ATG16L1: variants seen among roughly 807,000 people sequenced by gnomAD.
ATG16L1 encodes the protein autophagy-related protein 16-1.
Under a neutral mutation model 88.5 loss-of-function variants are expected in ATG16L1, and 37 were observed. The observed-to-expected ratio is 0.42, with a 90% CI of 0.32 to 0.55. The LOEUF is 0.55. ATG16L1 is among the 20% of genes least tolerant of loss of function. The pLI, the probability that ATG16L1 is intolerant of heterozygous loss-of-function variation, is 0.13. For missense variants in ATG16L1, 554 were observed against 752.8 expected, an observed-to-expected ratio of 0.74 and a Z score of 3.09; for synonymous variants, 301 against 281.0, an observed-to-expected ratio of 1.07 and a Z score of -0.71.
At chr2:233,288,284 A>C (rs1252054206) in intron 12 of ATG16L1, among the ~76,000 whole-genome samples, 1 of 152,192 alleles carries the variant, frequency 6.6e-6, no homozygotes, top group Non-Finnish European at 1.5e-5. Flanking sequence ...ACACAAAAAA[A>C]ATCTAACCCT....
At position 233,263,044 on chromosome 2, in the gene ATG16L1, A is replaced by G. The variant is rs886830968; in HGVS notation, c.210-86A>G. On this transcript the variant is annotated intron_variant, in intron 2 of 17. Transcript: ENST00000392017. ...AACATGTTTCTGGAGTTATGGTTTCATTGCCTAATTGGAAAGGTTTGGAGT... is the reference window on the plus strand; with the variant it reads ...AACATGTTTCTGGAGTTATGGTTTCGTTGCCTAATTGGAAAGGTTTGGAGT... 24 of 1,143,478 alleles carry G rather than the reference A, an allele frequency of 2.1e-5. No individual in the cohort carries two copies. The South Asian group carries it at 2.8e-4, about 13-fold the overall frequency. The allele number at this position is 1,143,478 out of a possible 1,614,324, so 70.8% of individuals were successfully genotyped here. A position where few individuals can be genotyped will look rare whatever the true frequency, so the allele number is the denominator to read the frequency against.
chr2:233,259,355 A>G (rs548983714), intron 2 of ATG16L1, among the ~76,000 whole-genome samples: 1 of 152,256 alleles, frequency 6.6e-6, no homozygotes, highest in African/African-American at 2.4e-5. Context: ...TCTGATGTCA[A>G]AAGATCACCT....
At chr2:233,274,806 C>G (rs748773028) in intron 9 of ATG16L1, 28 bp downstream of exon 9, 1 of 1,535,838 alleles carries the variant, frequency 6.5e-7, no homozygotes, top group Non-Finnish European at 9.0e-7. Context: ...CCGAACCCTA[C>G]CACGCTTGAT....
At position 233,289,509 on chromosome 2, in the gene ATG16L1, C is replaced by T. The variant is rs148072057; in HGVS notation, c.1204-345C>T. On this transcript the variant is annotated intron_variant, in intron 12 of 17. Transcript: ENST00000392017. ...CAAGCAATCCTCTTGCCTCAGCTTC[C>T]CAAGTAGCTGGGACCCCAGGCGCAT... Among the ~76,000 whole-genome samples the T allele has an allele frequency of 4.4e-3, 673 of 152,016 alleles. 3 individuals are homozygous for T. Among genetic ancestry groups the T allele is most frequent in the African/African-American group, 0.015 (642 of 41,466 alleles).
intron 12 of ATG16L1, among the ~76,000 whole-genome samples, chr2:233,289,408 T>TGTGTGAGAGAGAGA (rs144316394): frequency 5.3e-5 from 8 of 149,536 alleles, no homozygotes; most frequent in African/African-American, 1.7e-4. Flanking sequence ...TGTGTGTGTG[T>TGTGTGAGAGAGAGA]GACAGGATCT....
intron 1 of ATG16L1, among the ~76,000 whole-genome samples, chr2:233,253,332 G>GTGTTTTTTTTTTTTTTTTTTTTTTT (rs1696521168): frequency 8.9e-6 from 1 of 112,890 alleles, no homozygotes; most frequent in African/African-American, 3.3e-5. Context: ...GTGAGACTGG[G>GTGTTTTTTTTTTTTTTTTTTTTTTT]TTTTTTTGTT....
intron 10 of ATG16L1, among the ~76,000 whole-genome samples, chr2:233,279,154 G>A (rs1192775037): frequency 6.6e-6 from 1 of 152,162 alleles, no homozygotes; most frequent in Non-Finnish European, 1.5e-5. Flanking sequence ...CTCCAGCATG[G>A]GCAGCAGAGC....
rs1553608374 is a variant in ATG16L1, at chr2:233,286,643, T to TTTTTTTTTTTTTG, written c.1204-3211_1204-3210insTTTTTTTTTTTTG. 6.1e-3 allele frequency among the ~76,000 whole-genome samples: 851 copies of TTTTTTTTTTTTTG among 138,610 alleles called. 19 individuals carry two copies. Among genetic ancestry groups the TTTTTTTTTTTTTG allele is most frequent in the South Asian group, 0.018 (67 of 3,778 alleles). The allele number at this position is 138,610 out of a possible 152,430, so 90.9% of individuals were successfully genotyped here. A position where few individuals can be genotyped will look rare whatever the true frequency, so the allele number is the denominator to read the frequency against. On this transcript the variant is annotated intron_variant, in intron 12 of 17. Coordinates refer to ENST00000392017, the MANE Select transcript of ATG16L1 (RefSeq NM_030803.7). Reference sequence around the variant, plus strand: ...AAACTTTTTTTTTTTTTTTTTTTTTTGAGACAGTGTCTCGCTCAGTCACCC... The same window carrying TTTTTTTTTTTTTG: ...AAACTTTTTTTTTTTTTTTTTTTTTTTTTTTTTTTTTTGGAGACAGTGTCTCGCTCAGTCACCC...
At chr2:233,283,803 C>T (rs1033616055) in intron 12 of ATG16L1, among the ~76,000 whole-genome samples, 7 of 151,988 alleles carry the variant, frequency 4.6e-5, no homozygotes, top group Admixed American at 1.3e-4. Flanking sequence ...TCCCAAAGTG[C>T]TGGGATTACA....
At position 233,275,783 on chromosome 2, in the gene ATG16L1, G is replaced by T. The variant is rs771923343; in HGVS notation, c.954+1005G>T. 5.8e-6 allele frequency: 3 copies of T among 519,216 alleles called. No homozygotes were observed. In the Admixed American group the frequency reaches 5.8e-5, roughly 10 times the overall value. The allele number at this position is 519,216 out of a possible 1,614,324, so 32.2% of individuals were successfully genotyped here. On this transcript the variant is annotated intron_variant, in intron 9 of 17. Transcript: ENST00000392017. ...CACTGAATGTCACGGTCCCTTTGTT[G>T]CCCTCAACTCCCAGCAGCCCATTTT...
intron 6 of ATG16L1, 102 bp from the exon 7 acceptor site, chr2:233,272,864 A>G (rs945332904): frequency 3.0e-6 from 3 of 990,534 alleles, no homozygotes; most frequent in Non-Finnish European, 4.8e-6. Context: ...GTCATAGCCA[A>G]GTGGTTTAGG....
chr2:233,266,389 G>A (rs1479528018), intron 5 of ATG16L1, among the ~76,000 whole-genome samples: 1 of 152,170 alleles, frequency 6.6e-6, no homozygotes, highest in Non-Finnish European at 1.5e-5. Flanking sequence ...AGCCCAGTAG[G>A]TTAAAGCAAC....
At position 233,274,779 on chromosome 2, in the gene ATG16L1, G is replaced by C; in HGVS notation, c.954+1G>C. The stretch of plus-strand genomic sequence containing the variant: ...ACCAGCTACTGCCTTGTGTGTCTTC[G>C]TAAGTATGCTTCAGCCCCGAACCCT... On this transcript the variant is annotated splice_donor_variant, in intron 9 of 17. Transcript: ENST00000392017. LOFTEE classifies it high-confidence loss of function. 6.2e-7 allele frequency: 1 copy of C among 1,607,342 alleles called. No homozygotes were observed. The highest frequency in any genetic ancestry group is 8.5e-7 in the Non-Finnish European group (1 of 1,174,126).
chr2:233,293,154 C>A (rs981835973), intron 16 of ATG16L1, 102 bp from the exon 17 acceptor site: 1 of 983,902 alleles, frequency 1.0e-6, no homozygotes. Flanking sequence ...CAGGAGTGGT[C>A]ATCAGTGAAG....
At position 233,253,218 on chromosome 2, in the gene ATG16L1, C is replaced by T. The variant is rs539508224; in HGVS notation, c.115+1276C>T. 2.6e-5 allele frequency among the ~76,000 whole-genome samples: 4 copies of T among 152,136 alleles called. No homozygotes were observed. The South Asian group carries it at 8.3e-4, about 32-fold the overall frequency. On this transcript the variant is annotated intron_variant, in intron 1 of 17. Coordinates refer to ENST00000392017, the MANE Select transcript of ATG16L1 (RefSeq NM_030803.7). ...ATTTGCATGTGTTATTTTATCTTTCCCAAAATTCTGTGTATGAAGCAGGAA... is the reference window on the plus strand; with the variant it reads ...ATTTGCATGTGTTATTTTATCTTTCTCAAAATTCTGTGTATGAAGCAGGAA...
At chr2:233,274,632 CCT>C (rs760981890) in intron 8 of ATG16L1, 42 bp from the exon 9 acceptor site, 6 of 1,480,814 alleles carry the variant, frequency 4.1e-6, no homozygotes, top group South Asian at 1.2e-5. Context: ...GAGCAGTAAA[CCT>C]CTGCAATCCT....
intron 1 of ATG16L1, among the ~76,000 whole-genome samples, chr2:233,253,779 G>C (rs559776831): frequency 1.3e-5 from 2 of 152,312 alleles, no homozygotes; most frequent in East Asian, 3.9e-4. Flanking sequence ...AGGATGCTTT[G>C]CTGTTCTAGG....
chr2:233,266,905 A>G (rs1697637528), intron 5 of ATG16L1, among the ~76,000 whole-genome samples: 1 of 152,258 alleles, frequency 6.6e-6, no homozygotes. Context: ...GCGTGCTTCT[A>G]CATGTGGGGC....
At chr2:233,288,154 A>G (rs1393797281) in intron 12 of ATG16L1, among the ~76,000 whole-genome samples, 2 of 152,198 alleles carry the variant, frequency 1.3e-5, no homozygotes, top group Non-Finnish European at 2.9e-5. Flanking sequence ...CTGAGAACTC[A>G]TACAAGCTTC....
Sources: gnomAD v4.1 joint callset for allele counts (sites outside exome capture counted in the v4.1 genomes callset) on GRCh38, gnomAD v4.1.1 for gene constraint, MANE v1.5 for transcripts, NCBI Gene and HGNC (gene_info 2026-07-23, HGNC 2026-07-21) for gene names.